Variants in PBX3 observed in about 807,000 individuals in gnomAD.
The protein encoded by PBX3 is PBX homeobox 3.
Under a neutral mutation model 48.5 loss-of-function variants are expected in PBX3, and 14 were observed. The observed-to-expected ratio is 0.29, with a 90% CI of 0.19 to 0.45. The LOEUF (loss-of-function observed/expected upper bound fraction) is 0.45. Among genes scored for constraint, PBX3 ranks in the 20% least tolerant of loss-of-function variants. The probability of loss-of-function intolerance (pLI) is 1.00; values close to 1 mark genes in which losing one functional copy is unlikely to be tolerated. For synonymous variants in PBX3, 210 were observed against 200.3 expected, an observed-to-expected ratio of 1.05 and a Z score of -0.41; for missense variants, 386 against 546.7, an observed-to-expected ratio of 0.71 and a Z score of 2.93.
At chr9:125,923,023 T>G (rs1166129063) in intron 3 of PBX3, among the ~76,000 whole-genome samples, 1 of 152,266 alleles carries the variant, frequency 6.6e-6, no homozygotes, top group African/African-American at 2.4e-5. Flanking sequence ...AAAGAAAAGC[T>G]ATGTGAATTC....
chr9:125,830,398 A>G (rs1366274552), intron 2 of PBX3, among the ~76,000 whole-genome samples: 1 of 152,142 alleles, frequency 6.6e-6, no homozygotes, highest in Non-Finnish European at 1.5e-5. Context: ...ATTTCAAACA[A>G]ACAAACTTCT....
At chr9:125,790,335 C>A (rs569476714) in intron 2 of PBX3, among the ~76,000 whole-genome samples, 3 of 151,800 alleles carry the variant, frequency 2.0e-5, no homozygotes, top group African/African-American at 7.3e-5. Context: ...TCACTGCAAC[C>A]TCTACCTCCC....
At chr9:125,934,756 A>G (rs1564180364) in intron 4 of PBX3, among the ~76,000 whole-genome samples, 1 of 151,848 alleles carries the variant, frequency 6.6e-6, no homozygotes, top group African/African-American at 2.4e-5. Context: ...CCCATTCAAT[A>G]CATCATCAGG....
intron 2 of PBX3, among the ~76,000 whole-genome samples, chr9:125,773,810 A>G (rs1221900377): frequency 6.6e-6 from 1 of 152,186 alleles, no homozygotes; most frequent in Non-Finnish European, 1.5e-5. Flanking sequence ...ACAGCAGTGT[A>G]TATTTGTTCT....
chr9:125,897,453 T>A (rs1429652103), intron 2 of PBX3, among the ~76,000 whole-genome samples: 1 of 151,956 alleles, frequency 6.6e-6, no homozygotes, highest in East Asian at 1.9e-4. Context: ...GAGTGTGAAG[T>A]GATGAAGCCT....
intron 2 of PBX3, among the ~76,000 whole-genome samples, chr9:125,860,045 A>T (rs1839822203): frequency 6.6e-6 from 1 of 152,208 alleles, no homozygotes; most frequent in Non-Finnish European, 1.5e-5. Flanking sequence ...ATGCCACTGT[A>T]ACAAACAACC....
intron 3 of PBX3, among the ~76,000 whole-genome samples, chr9:125,926,820 C>CA (rs529609924): frequency 4.0e-4 from 61 of 151,576 alleles, no homozygotes; most frequent in Middle Eastern, 3.4e-3. Flanking sequence ...AACTCCGTCT[C>CA]AAAAAAAATA....
At chr9:125,899,893 T>C (rs1588276234) in intron 2 of PBX3, among the ~76,000 whole-genome samples, 1 of 148,710 alleles carries the variant, frequency 6.7e-6, no homozygotes, top group South Asian at 2.1e-4. Context: ...TCTGTATATG[T>C]AACGAATAAA....
chr9:125,800,199 C>T (rs73667062), intron 2 of PBX3, among the ~76,000 whole-genome samples: 5,932 of 152,142 alleles, frequency 0.039, 409 homozygotes, highest in African/African-American at 0.13. Flanking sequence ...AGAAACATCA[C>T]AGATGTCTAC....
At chr9:125,821,292 CCA>C (rs1225369207) in intron 2 of PBX3, among the ~76,000 whole-genome samples, 5 of 152,042 alleles carry the variant, frequency 3.3e-5, no homozygotes, top group African/African-American at 1.2e-4. Context: ...CTTCATACAA[CCA>C]CAGATACTAG....
At chr9:125,785,017 G>T (rs893456487) in intron 2 of PBX3, among the ~76,000 whole-genome samples, 1 of 152,160 alleles carries the variant, frequency 6.6e-6, no homozygotes, top group Non-Finnish European at 1.5e-5. Flanking sequence ...TTAGGCTTTT[G>T]TTACTTTACT....
chr9:125,748,687 C>T (rs1364472663), intron 2 of PBX3, 64 bp downstream of exon 2: 2 of 1,253,016 alleles, frequency 1.6e-6, no homozygotes, highest in Non-Finnish European at 2.3e-6. Context: ...GCTACTCCTT[C>T]GACTCTCCAG....
At chr9:125,798,656 T>C (rs1030181110) in intron 2 of PBX3, among the ~76,000 whole-genome samples, 1 of 152,136 alleles carries the variant, frequency 6.6e-6, no homozygotes, top group Non-Finnish European at 1.5e-5. Context: ...ATAGAACCTT[T>C]AATGTATTTT....
intron 2 of PBX3, among the ~76,000 whole-genome samples, chr9:125,818,685 G>C (rs1392477086): frequency 6.6e-6 from 1 of 151,638 alleles, no homozygotes; most frequent in Middle Eastern, 3.2e-3. Flanking sequence ...ATAGAAACAG[G>C]GTCTTGCTGT....
intron 3 of PBX3, among the ~76,000 whole-genome samples, chr9:125,917,645 G>GT (rs897515582): frequency 4.6e-5 from 7 of 151,914 alleles, no homozygotes; most frequent in African/African-American, 1.7e-4. Context: ...ATATATCGTT[G>GT]TTTTTTCACA....
chr9:125,783,421 G>C (rs1837375518), intron 2 of PBX3, among the ~76,000 whole-genome samples: 2 of 151,960 alleles, frequency 1.3e-5, no homozygotes, highest in South Asian at 4.1e-4. Context: ...CTGAGTAGCT[G>C]GGACTACAGG....
At position 125,897,767 on chromosome 9, in the gene PBX3, A is replaced by G. The variant is rs1266483387; in HGVS notation, c.275-17919A>G. Among the ~76,000 whole-genome samples the G allele has an allele frequency of 2.6e-5, 4 of 151,926 alleles. No individual in the cohort carries two copies. The South Asian group carries it at 8.3e-4, about 31-fold the overall frequency. On this transcript the variant is annotated intron_variant, in intron 2 of 8. Transcript: ENST00000373489. ...CCATAGAAGTGCATGTTTGCTCTGT[A>G]TTAGACATGGCCAGAATTATCATTC...
chr9:125,810,729 C>T (rs1261601829), intron 2 of PBX3, among the ~76,000 whole-genome samples: 9 of 152,086 alleles, frequency 5.9e-5, no homozygotes, highest in Non-Finnish European at 1.3e-4. Flanking sequence ...AGGCATATGA[C>T]ACAGAGCCAG....
At chr9:125,756,406 C>T (rs933233532) in intron 2 of PBX3, among the ~76,000 whole-genome samples, 1 of 152,078 alleles carries the variant, frequency 6.6e-6, no homozygotes, top group Non-Finnish European at 1.5e-5. Context: ...GAAGACAGAC[C>T]TTCTGTGCCT....
Sources: allele counts gnomAD v4.1 joint callset (sites outside exome capture counted in the v4.1 genomes callset), GRCh38; gene constraint gnomAD v4.1.1; transcripts MANE v1.5; gene names NCBI Gene and HGNC (gene_info 2026-07-23, HGNC 2026-07-21).